Variants in C10orf90 observed in about 807,000 individuals in gnomAD.
C10orf90 encodes the protein chromosome 10 open reading frame 90.
C10orf90 carries 56 observed loss-of-function variants against 62.5 expected under a neutral mutation model. The ratio of observed to expected loss-of-function variants is 0.90; its 90% CI spans 0.72 to 1.12. The LOEUF (loss-of-function observed/expected upper bound fraction) is 1.12. Among genes scored for constraint, C10orf90 ranks in the 50% most tolerant of loss-of-function variants. The pLI is 0.00. For synonymous variants in C10orf90, 386 were observed against 340.4 expected (o/e 1.13, Z -1.47); for missense variants, 970 against 880.4 (o/e 1.10, Z -1.29).
At chr10:126,571,639 C>T (rs1003608759) in intron 2 of C10orf90, among the ~76,000 whole-genome samples, 4 of 152,144 alleles carry the variant, frequency 2.6e-5, no homozygotes, top group African/African-American at 9.7e-5. Context: ...GGAGAAGTGT[C>T]TCCGGGAATA....
chr10:126,532,725 T>C (rs892709413), intron 2 of C10orf90, among the ~76,000 whole-genome samples: 8 of 148,786 alleles, frequency 5.4e-5, no homozygotes, highest in Non-Finnish European at 1.2e-4. Context: ...TAGTCCCAGC[T>C]ACTCCGGAGG....
At chr10:126,487,693 G>A (rs886142928) in intron 4 of C10orf90, among the ~76,000 whole-genome samples, 1 of 152,008 alleles carries the variant, frequency 6.6e-6, no homozygotes, top group African/African-American at 2.4e-5. Context: ...CCACCAAAAG[G>A]AACATGTAAA....
At chr10:126,584,902 T>A (rs1844829069) in intron 2 of C10orf90, among the ~76,000 whole-genome samples, 2 of 152,174 alleles carry the variant, frequency 1.3e-5, no homozygotes, top group African/African-American at 4.8e-5. Flanking sequence ...CTCTCTTCCC[T>A]CTCTCATCCC....
intron 2 of C10orf90, chr10:126,522,826 G>T (rs144668485): frequency 6.6e-6 from 1 of 152,156 alleles, no homozygotes; most frequent in Non-Finnish European, 1.5e-5. Context: ...GAGTTTTGAC[G>T]CCTGGTCCAG....
At chr10:126,426,867 A>T (rs941817746) in intron 8 of C10orf90, among the ~76,000 whole-genome samples, 1 of 152,214 alleles carries the variant, frequency 6.6e-6, no homozygotes, top group Admixed American at 6.5e-5. Flanking sequence ...TGTAGAAAAA[A>T]TCATGATGAC....
intron 6 of C10orf90, among the ~76,000 whole-genome samples, chr10:126,460,917 A>G (rs1859930850): frequency 6.6e-6 from 1 of 152,168 alleles, no homozygotes; most frequent in Non-Finnish European, 1.5e-5. Flanking sequence ...AAATGTGTGC[A>G]TACTACATTT....
At chr10:126,498,759 G>A (rs1862218017) in intron 4 of C10orf90, among the ~76,000 whole-genome samples, 1 of 152,146 alleles carries the variant, frequency 6.6e-6, no homozygotes, top group African/African-American at 2.4e-5. Context: ...GGAATATAAG[G>A]GCCCAGGCCC....
intron 5 of C10orf90, among the ~76,000 whole-genome samples, chr10:126,462,517 G>A (rs1481237870): frequency 1.3e-5 from 2 of 152,138 alleles, no homozygotes; most frequent in Non-Finnish European, 2.9e-5. Flanking sequence ...CGTCACTGCA[G>A]GGAACACACA....
intron 7 of C10orf90, among the ~76,000 whole-genome samples, chr10:126,449,364 T>C (rs1859016140): frequency 6.6e-6 from 1 of 152,096 alleles, no homozygotes; most frequent in Admixed American, 6.6e-5. Flanking sequence ...TCTCAACAAA[T>C]TAGGTGTAGA....
In C10orf90 at chr10:126,583,651, A is replaced by G. The variant is rs191118656; in HGVS notation, c.313+62914T>C. Among the ~76,000 whole-genome samples, 3 of 152,248 alleles carry G rather than the reference A, an allele frequency of 2.0e-5. No homozygotes were observed. In the East Asian group the frequency reaches 5.8e-4, roughly 29 times the overall value. ...TGGGACTGTGGGACCTGCCAGACAA[A>G]GCTGGCTCTGCCCCCCACCTTGCCA... On this transcript the variant is annotated intron_variant, in intron 2 of 9. Transcript: ENST00000488181.
At chr10:126,432,175 T>G (rs1352766795) in intron 7 of C10orf90, among the ~76,000 whole-genome samples, 1 of 152,198 alleles carries the variant, frequency 6.6e-6, no homozygotes, top group East Asian at 1.9e-4. Flanking sequence ...ATAGAGCAAG[T>G]GCATTGCAAA....
chr10:126,449,783 G>A (rs934390537), intron 7 of C10orf90, among the ~76,000 whole-genome samples: 22 of 152,124 alleles, frequency 1.4e-4, no homozygotes, highest in Admixed American at 2.0e-4. Flanking sequence ...CAGATCACAA[G>A]GTCAGGAGTT....
At chr10:126,655,878 C>T (rs1244138097) in intron 1 of C10orf90, among the ~76,000 whole-genome samples, 5 of 151,886 alleles carry the variant, frequency 3.3e-5, no homozygotes, top group Non-Finnish European at 7.4e-5. Flanking sequence ...ATTTCCAGCT[C>T]CCTGGCTCAC....
At chr10:126,524,450 G>A (rs1863873051) in intron 2 of C10orf90, 1 of 197,058 alleles carries the variant, frequency 5.1e-6, no homozygotes, top group Admixed American at 6.5e-5. Flanking sequence ...AGGGAGAACT[G>A]AGGCCTGGGT....
chr10:126,439,154 C>G (rs116218320), intron 7 of C10orf90, among the ~76,000 whole-genome samples: 1 of 152,118 alleles, frequency 6.6e-6, no homozygotes, highest in Admixed American at 6.5e-5. Context: ...CCCTAAGAAC[C>G]CTTGCTGCTG....
intron 2 of C10orf90, among the ~76,000 whole-genome samples, chr10:126,604,610 G>A (rs1309661894): frequency 4.6e-5 from 7 of 152,074 alleles, no homozygotes; most frequent in African/African-American, 1.4e-4. Flanking sequence ...AGTTAATTTG[G>A]GGATTCTTTC....
At chr10:126,598,148 A>G (rs1368411079) in intron 2 of C10orf90, among the ~76,000 whole-genome samples, 1 of 152,180 alleles carries the variant, frequency 6.6e-6, no homozygotes, top group Admixed American at 6.5e-5. Flanking sequence ...AAACTGTCCT[A>G]GGGATCTCAA....
chr10:126,493,877 T>C (rs1481369165), intron 4 of C10orf90, among the ~76,000 whole-genome samples: 2 of 152,236 alleles, frequency 1.3e-5, no homozygotes, highest in Non-Finnish European at 2.9e-5. Context: ...AAATTCTCCC[T>C]GATGTCTAGC....
rs766348738 is a variant in C10orf90, at chr10:126,504,853, C to T, written c.638G>A (p.Arg213Gln). 4 of 1,611,530 alleles carry T rather than the reference C, an allele frequency of 2.5e-6. No individual in the cohort carries two copies. The highest frequency in any genetic ancestry group is 3.3e-5 in the Admixed American group (2 of 59,940). ...RLGIPAPSDE[R>Q]GPEAELPPKE... ...GGGCGGCAGCTCTGCCTCAGGTCCT[C>T]GCTCATCTGACGGTGCCGGGATTCC... Residue 213 changes from arginine (R) to glutamine (Q), a missense_variant, in exon 4 of 10, where the codon CGA (arginine) becomes CAA (glutamine). Physicochemically the swap from Arg to Gln is conservative, Grantham distance 43 (BLOSUM62 1). Transcript: ENST00000488181. This position sits in a 1 kb window ranked among gnomAD's most constrained non-coding sequence, Gnocchi z 4.1.
Sources: allele counts gnomAD v4.1 joint callset (sites outside exome capture counted in the v4.1 genomes callset), GRCh38; gene constraint gnomAD v4.1.1; non-coding constraint Gnocchi (gnomAD v3.1); transcripts MANE v1.5; gene names NCBI Gene and HGNC (gene_info 2026-07-23, HGNC 2026-07-21).